Variants in CDYL observed in about 807,000 individuals in gnomAD.
CDYL encodes the protein chromodomain Y like.
A neutral mutation model predicts 47.3 loss-of-function variants in CDYL; 8 were observed. The observed-to-expected ratio is 0.17, with a 90% confidence interval of 0.10 to 0.31. The LOEUF is 0.31. CDYL is among the 10% of genes least tolerant of loss of function. CDYL has a pLI of 1.00. For synonymous variants in CDYL, 266 were observed against 265.0 expected, an observed-to-expected ratio of 1.00 and a Z score of -0.04; for missense variants, 471 against 701.4, an observed-to-expected ratio of 0.67 and a Z score of 3.71.
At chr6:4,726,635 G>T (rs900357201) in intron 2 of CDYL, among the ~76,000 whole-genome samples, 2 of 151,684 alleles carry the variant, frequency 1.3e-5, no homozygotes, top group Admixed American at 1.3e-4. Context: ...CACAGTGGTT[G>T]CAGTGAGCTG....
chr6:4,955,325 A>T lies in CDYL; in HGVS notation c.*1269A>T, dbSNP rs1251395467. Reference sequence around the variant, plus strand: ...TTATTTTTGTACAGTTTTGAAGTTTATACTTAGAACTGACCACCTCCCCGG... The same window carrying T: ...TTATTTTTGTACAGTTTTGAAGTTTTTACTTAGAACTGACCACCTCCCCGG... On this transcript the variant is annotated 3_prime_UTR_variant, in exon 7 of 7. Coordinates refer to ENST00000397588, the MANE Select transcript of CDYL (RefSeq NM_004824.4). 1 of 152,660 alleles carries T rather than the reference A, an allele frequency of 6.6e-6. No homozygotes were observed. The highest frequency in any genetic ancestry group is 1.5e-5 in the Non-Finnish European group (1 of 68,044). 9.5% of individuals were successfully genotyped at this position (152,660 alleles called of 1,614,324 possible).
At chr6:4,902,541 G>A (rs1757099737) in intron 2 of CDYL, among the ~76,000 whole-genome samples, 1 of 152,144 alleles carries the variant, frequency 6.6e-6, no homozygotes, top group South Asian at 2.1e-4. Context: ...TGCCCAAGAT[G>A]CTGCTCACCA....
intron 2 of CDYL, among the ~76,000 whole-genome samples, chr6:4,924,043 T>C (rs1245953611): frequency 2.0e-5 from 3 of 152,218 alleles, no homozygotes; most frequent in Admixed American, 1.3e-4. Flanking sequence ...CCACATCTAA[T>C]ACAACATTAT....
intron 1 of CDYL, among the ~76,000 whole-genome samples, chr6:4,889,190 CT>C (rs1328740197): frequency 7.9e-5 from 12 of 152,066 alleles, no homozygotes; most frequent in African/African-American, 2.9e-4. Context: ...CTATGGCTGC[CT>C]GCCGGTTAAC....
chr6:4,858,741 A>G (rs1388183026), intron 1 of CDYL, among the ~76,000 whole-genome samples: 2 of 152,200 alleles, frequency 1.3e-5, no homozygotes, highest in African/African-American at 2.4e-5. Flanking sequence ...GAATTAGACT[A>G]TTAGACTGTG....
exon 2 of CDYL, chr6:4,715,859 G>A: frequency 1.2e-6 from 2 of 1,614,140 alleles, no homozygotes; most frequent in African/African-American, 1.3e-5. Context: ...CAACCCAAAA[G>A]TTATTCCTGA....
At chr6:4,842,225 AAAT>A (rs1010028929) in intron 1 of CDYL, among the ~76,000 whole-genome samples, 19 of 144,456 alleles carry the variant, frequency 1.3e-4, no homozygotes, top group South Asian at 6.4e-4. Flanking sequence ...AATTATATAT[AAAT>A]AATACTAATA....
At chr6:4,781,319 G>A (rs554062184) in intron 1 of CDYL, among the ~76,000 whole-genome samples, 1 of 152,292 alleles carries the variant, frequency 6.6e-6, no homozygotes, top group East Asian at 1.9e-4. Flanking sequence ...GTCTCAATCT[G>A]TAGTTCAAAT....
intron 1 of CDYL, among the ~76,000 whole-genome samples, chr6:4,884,225 A>G (rs1761841420): frequency 6.6e-6 from 1 of 152,222 alleles, no homozygotes; most frequent in South Asian, 2.1e-4. Context: ...GGAAATGTCC[A>G]GAAGCTTCAG....
chr6:4,760,578 G>A (rs1343104862), intron 3 of CDYL, among the ~76,000 whole-genome samples: 1 of 152,108 alleles, frequency 6.6e-6, no homozygotes, highest in African/African-American at 2.4e-5. Flanking sequence ...AGGTGAGGAA[G>A]GCTTCCCGAA....
rs966107874 is a variant in CDYL, at chr6:4,954,299, G to A, written c.*243G>A. The A allele has an allele frequency of 1.7e-5, 6 of 357,150 alleles. No homozygotes were observed. Among genetic ancestry groups the A allele is most frequent in the Non-Finnish European group, 3.0e-5 (6 of 198,048 alleles). 22.1% of individuals were successfully genotyped at this position (357,150 alleles called of 1,614,324 possible). A position where few individuals can be genotyped will look rare whatever the true frequency, so the allele number is the denominator to read the frequency against. On this transcript the variant is annotated 3_prime_UTR_variant, in exon 7 of 7. Transcript: ENST00000397588. ...TTATTTTATACTTATATACACGCAG[G>A]TGTAAAAGTATAAAGGTGAGCACTA...
intron 1 of CDYL, among the ~76,000 whole-genome samples, chr6:4,795,145 C>T (rs1411438719): frequency 1.4e-5 from 2 of 147,210 alleles, no homozygotes; most frequent in African/African-American, 5.1e-5. Context: ...TTGTTAGATG[C>T]TCTTTTTTAA....
At chr6:4,734,692 G>A in intron 2 of CDYL, 1 of 1,593,034 alleles carries the variant, frequency 6.3e-7, no homozygotes, top group East Asian at 2.3e-5. Context: ...GATGGGGATG[G>A]AGGGAAGATG....
At chr6:4,793,722 T>A (rs1281050330) in intron 1 of CDYL, among the ~76,000 whole-genome samples, 1 of 151,964 alleles carries the variant, frequency 6.6e-6, no homozygotes, top group East Asian at 1.9e-4. Context: ...GGTGGTGACA[T>A]TGGGAGGTAG....
chr6:4,946,552 A>T (rs747102520), intron 5 of CDYL, among the ~76,000 whole-genome samples: 4 of 152,078 alleles, frequency 2.6e-5, no homozygotes, highest in Non-Finnish European at 4.4e-5. Flanking sequence ...GTATGAGCTG[A>T]GGCAGGGCGC....
At chr6:4,864,842 A>G (rs1761274186) in intron 1 of CDYL, among the ~76,000 whole-genome samples, 1 of 150,788 alleles carries the variant, frequency 6.6e-6, no homozygotes, top group Non-Finnish European at 1.5e-5. Flanking sequence ...TTTATCAGCA[A>G]CGTGAAAATG....
chr6:4,796,685 G>A lies in CDYL; in HGVS notation c.24+19878G>A, dbSNP rs188628055. ...TTATGTTGCTGTAATAACTAGTTTTGGATAGTATTTACTAGTTGAATCTTT... is the reference window on the plus strand; with the variant it reads ...TTATGTTGCTGTAATAACTAGTTTTAGATAGTATTTACTAGTTGAATCTTT... On this transcript the variant is annotated intron_variant, in intron 1 of 6. Coordinates refer to ENST00000397588, the MANE Select transcript of CDYL (RefSeq NM_004824.4). Among the ~76,000 whole-genome samples, 3 of 152,082 alleles carry A rather than the reference G, an allele frequency of 2.0e-5. No individual in the cohort carries two copies. The East Asian group carries it at 5.8e-4, about 29-fold the overall frequency.
upstream of CDYL, among the ~76,000 whole-genome samples, chr6:4,772,447 G>T (rs1758351657): frequency 6.6e-6 from 1 of 152,208 alleles, no homozygotes; most frequent in Non-Finnish European, 1.5e-5. Flanking sequence ...ACCAGAAAAA[G>T]GTACTGGTAT....
At chr6:4,908,115 A>G (rs1757295610) in intron 2 of CDYL, among the ~76,000 whole-genome samples, 2 of 152,204 alleles carry the variant, frequency 1.3e-5, no homozygotes, top group Non-Finnish European at 2.9e-5. Flanking sequence ...CTAGCACCCT[A>G]GTTAGAGGAA....
Sources: gnomAD v4.1 joint callset for allele counts (sites outside exome capture counted in the v4.1 genomes callset) on GRCh38, gnomAD v4.1.1 for gene constraint, MANE v1.5 for transcripts, NCBI Gene and HGNC (gene_info 2026-07-23, HGNC 2026-07-21) for gene names.